TBC1D30: variants seen among roughly 807,000 people sequenced by gnomAD.
TBC1D30 encodes TBC1 domain family member 30, also known as TBC1 domain family, member 30.
Under a neutral mutation model 63.2 loss-of-function variants are expected in TBC1D30, and 31 were observed. The observed-to-expected ratio is 0.49, with a 90% CI of 0.37 to 0.66. TBC1D30 has a LOEUF of 0.66. TBC1D30 is among the 30% of genes least tolerant of loss of function. The pLI, the probability that TBC1D30 is intolerant of heterozygous loss-of-function variation, is 0.00. For synonymous variants in TBC1D30, 307 were observed against 361.5 expected, an observed-to-expected ratio of 0.85 and a Z score of 1.71; for missense variants, 810 against 953.6, an observed-to-expected ratio of 0.85 and a Z score of 1.98.
rs117198093 is a variant in TBC1D30 at position 64,768,875 on chromosome 12, G to A, written c.-376+9226G>A. On this transcript the variant is annotated intron_variant, in intron 1 of 13. Transcript: ENST00000674237. ...TTCAAAATAGAAATTTTAGCACATG[G>A]GCCAAGTGTGGTGGCTCATGACTGT... Among the ~76,000 whole-genome samples the A allele has an allele frequency of 7.3e-3, 1,116 of 152,190 alleles. 4 individuals are homozygous for A. The highest frequency in any genetic ancestry group is 0.031 in the Middle Eastern group (9 of 294).
chr12:64,817,682 TCTC>T (rs762450270), intron 2 of TBC1D30, among the ~76,000 whole-genome samples: 134 of 152,246 alleles, frequency 8.8e-4, no homozygotes, highest in Non-Finnish European at 1.7e-3. Flanking sequence ...TCATCACCCT[TCTC>T]CTGTCTAGGG....
At chr12:64,807,100 A>T (rs1230971675) in intron 2 of TBC1D30, among the ~76,000 whole-genome samples, 2 of 152,140 alleles carry the variant, frequency 1.3e-5, no homozygotes, top group Non-Finnish European at 2.9e-5. Flanking sequence ...CAGAATCCCC[A>T]CATGTGGAGG....
intron 2 of TBC1D30, among the ~76,000 whole-genome samples, chr12:64,808,235 C>A (rs758191305): frequency 6.6e-6 from 1 of 152,136 alleles, no homozygotes; most frequent in Non-Finnish European, 1.5e-5. Context: ...CTTTTCTGCA[C>A]CACGTTTATG....
chr12:64,820,041 C>T (rs995658624), upstream of TBC1D30, among the ~76,000 whole-genome samples: 4 of 152,174 alleles, frequency 2.6e-5, no homozygotes, highest in Non-Finnish European at 1.5e-5. Context: ...TTCCCCAGAG[C>T]AGGCTGGCTC....
rs1875113294 is a variant in TBC1D30, at chr12:64,834,115, A to G, written c.594+1811A>G. ...CCCCCACGAAAATGGGCTCCATGCA[A>G]TGAGATGATGTCATCATCCTTTAAG... On this transcript the variant is annotated intron_variant, in intron 5 of 11. Transcript: ENST00000539867. Among the ~76,000 whole-genome samples, 4 of 152,230 alleles carry G rather than the reference A, an allele frequency of 2.6e-5. No individual in the cohort carries two copies. The South Asian group carries it at 8.3e-4, about 31-fold the overall frequency.
chr12:64,759,619 A>T, exon 1 of TBC1D30: 1 of 337,828 alleles, frequency 3.0e-6, no homozygotes, highest in Non-Finnish European at 5.5e-6. Context: ...AACCGGGAAA[A>T]GGGCGGAGAA....
At chr12:64,770,519 G>T (rs1339255036) in intron 1 of TBC1D30, among the ~76,000 whole-genome samples, 2 of 152,068 alleles carry the variant, frequency 1.3e-5, no homozygotes, top group Admixed American at 1.3e-4. Flanking sequence ...CTGTCAACTG[G>T]CACTGGTCCC....
At chr12:64,789,777 CT>C (rs945177911) in intron 2 of TBC1D30, among the ~76,000 whole-genome samples, 53 of 152,058 alleles carry the variant, frequency 3.5e-4, no homozygotes, top group East Asian at 1.4e-3. Flanking sequence ...GAAGATCATA[CT>C]TTTTTTTCCC....
chr12:64,779,694 T>C (rs1039454961), upstream of TBC1D30, among the ~76,000 whole-genome samples: 3 of 152,106 alleles, frequency 2.0e-5, no homozygotes, highest in African/African-American at 7.2e-5. Flanking sequence ...TTGACTAATA[T>C]ATATTCATCC....
intron 8 of TBC1D30, among the ~76,000 whole-genome samples, chr12:64,852,372 C>G (rs1876948454): frequency 6.6e-6 from 1 of 152,112 alleles, no homozygotes; most frequent in South Asian, 2.1e-4. Context: ...ATGTTCTTCT[C>G]TAAACTGGTT....
chr12:64,797,312 G>A (rs888618003), intron 2 of TBC1D30, among the ~76,000 whole-genome samples: 7 of 152,308 alleles, frequency 4.6e-5, no homozygotes, highest in Admixed American at 2.0e-4. Flanking sequence ...GTGTCACCTT[G>A]CACAACATAT....
intron 4 of TBC1D30, among the ~76,000 whole-genome samples, chr12:64,831,806 C>T (rs1207519706): frequency 2.6e-5 from 4 of 152,122 alleles, no homozygotes; most frequent in African/African-American, 9.7e-5. Context: ...TTAAAACAAT[C>T]AATTTACATG....
At chr12:64,813,594 G>A (rs1304911325) in intron 2 of TBC1D30, among the ~76,000 whole-genome samples, 1 of 152,110 alleles carries the variant, frequency 6.6e-6, no homozygotes, top group Non-Finnish European at 1.5e-5. Context: ...AGAATTTCAA[G>A]AGCATTTTCA....
intron 2 of TBC1D30, among the ~76,000 whole-genome samples, chr12:64,799,849 G>A (rs563088648): frequency 1.3e-5 from 2 of 152,292 alleles, no homozygotes; most frequent in East Asian, 1.9e-4. Context: ...GCTCATGCCT[G>A]TAATCCCAGC....
Position 64,781,032 on chromosome 12 carries a change from CA to C in TBC1D30, c.226del (p.Ser76AlafsTer7). ...CCCGGCGAGGCGTGCGGCGGCCGCA[CA>C]AGCCGCACGGCGTCCCTGGTGAGCG... On this transcript the variant is annotated frameshift_variant, in exon 1 of 13. Transcript: ENST00000542120. LOFTEE classifies it high-confidence loss of function. The C allele has an allele frequency of 9.7e-7, 1 of 1,027,290 alleles. No homozygotes were observed. Among genetic ancestry groups the C allele is most frequent in the East Asian group, 1.1e-4 (1 of 9,012 alleles). The allele number at this position is 1,027,290 out of a possible 1,614,324, so 63.6% of individuals were successfully genotyped here. A position where few individuals can be genotyped will look rare whatever the true frequency, so the allele number is the denominator to read the frequency against.
At chr12:64,816,063 C>T (rs1028602879) in intron 2 of TBC1D30, among the ~76,000 whole-genome samples, 5 of 149,346 alleles carry the variant, frequency 3.3e-5, no homozygotes, top group African/African-American at 7.4e-5. Flanking sequence ...GATGGAGTCT[C>T]GCTCTGTTGC....
chr12:64,855,250 A>T (rs1253434209), intron 8 of TBC1D30, among the ~76,000 whole-genome samples: 2 of 151,446 alleles, frequency 1.3e-5, no homozygotes, highest in Non-Finnish European at 2.9e-5. Context: ...TACTTTTAGG[A>T]TCATTTCTTT....
intron 3 of TBC1D30, 58 bp downstream of exon 3, chr12:64,828,567 C>T (rs1144426): frequency 8.7e-7 from 1 of 1,152,966 alleles, no homozygotes; most frequent in South Asian, 1.4e-5. Context: ...TTCTTTAGAG[C>T]CTCTGGAATG....
intron 8 of TBC1D30, among the ~76,000 whole-genome samples, chr12:64,845,726 CAAA>C (rs71096005): frequency 3.4e-4 from 42 of 122,978 alleles, no homozygotes; most frequent in Middle Eastern, 4.1e-3. Context: ...GACTCCGTCT[CAAA>C]AAAAAAAAAA....
Sources: gnomAD v4.1 joint callset for allele counts (sites outside exome capture counted in the v4.1 genomes callset) on GRCh38, gnomAD v4.1.1 for gene constraint, MANE v1.5 for transcripts, NCBI Gene and HGNC (gene_info 2026-07-23, HGNC 2026-07-21) for gene names.